Variants in MPDZ observed in about 807,000 individuals in gnomAD.
MPDZ encodes the protein multiple PDZ domain crumbs cell polarity complex component, also known as multiple PDZ domain protein.
MPDZ carries 234 observed loss-of-function variants against 239.1 expected under a neutral mutation model. That is an observed-to-expected ratio of 0.98 (90% CI 0.88 to 1.09). The LOEUF (loss-of-function observed/expected upper bound fraction) is 1.09, where lower values mean the gene tolerates loss of function less well. Among genes scored for constraint, MPDZ ranks in the 50% least tolerant of loss-of-function variants. MPDZ has a pLI of 0.00. For synonymous variants in MPDZ, 1,048 were observed against 881.3 expected, an observed-to-expected ratio of 1.19 and a Z score of -3.35; for missense variants, 3,175 against 2,510.0, an observed-to-expected ratio of 1.26 and a Z score of -5.66.
intron 3 of MPDZ, among the ~76,000 whole-genome samples, chr9:13,232,645 C>T (rs998991386): frequency 1.3e-4 from 20 of 151,000 alleles, no homozygotes; most frequent in Non-Finnish European, 2.7e-4. Context: ...AAAGCAATAC[C>T]CACAAAGAAA....
At chr9:13,147,883 C>T (rs775362708) in intron 25 of MPDZ, among the ~76,000 whole-genome samples, 5 of 152,026 alleles carry the variant, frequency 3.3e-5, no homozygotes, top group Non-Finnish European at 5.9e-5. Context: ...CAGTTCAAGA[C>T]ATAATCAATT....
chr9:13,175,799 T>G lies in MPDZ; in HGVS notation c.3008A>C (p.Glu1003Ala). 6.3e-7 allele frequency: 1 copy of G among 1,578,568 alleles called. No homozygotes were observed. The highest frequency in any genetic ancestry group is 8.6e-7 in the Non-Finnish European group (1 of 1,160,908). The change falls in exon 21 of 47, where the codon GAA becomes GCA. Residue 1003 changes from glutamate to alanine, a missense_variant. Transcript: ENST00000319217. ...ECVMLQNVSK[E>A]SFERTINIAK... Reference sequence around the variant, plus strand: ...TATATTAATAGTCCTTTCAAAAGATTCTTTAGATACATTTTGAAGCATGAC... The same window carrying G: ...TATATTAATAGTCCTTTCAAAAGATGCTTTAGATACATTTTGAAGCATGAC...
intron 23 of MPDZ, among the ~76,000 whole-genome samples, chr9:13,159,534 C>A (rs999977815): frequency 1.3e-5 from 2 of 152,212 alleles, no homozygotes; most frequent in East Asian, 1.9e-4. Flanking sequence ...CCTGGAAATA[C>A]AACAGGACAG....
intron 8 of MPDZ, 129 bp downstream of exon 8, chr9:13,219,430 T>C (rs889551818): frequency 1.1e-5 from 9 of 794,248 alleles, no homozygotes; most frequent in Non-Finnish European, 1.8e-5. Flanking sequence ...CATCCCTACA[T>C]TTGAATTTCA....
intron 2 of MPDZ, among the ~76,000 whole-genome samples, chr9:13,249,104 TCACACACACACACA>T (rs199752806): frequency 1.4e-5 from 2 of 145,900 alleles, no homozygotes; most frequent in Non-Finnish European, 3.0e-5. Flanking sequence ...GATCATGGGT[TCACACACACACACA>T]CACACACACA....
intron 46 of MPDZ, among the ~76,000 whole-genome samples, chr9:13,107,767 A>G (rs1296219464): frequency 2.0e-5 from 3 of 152,222 alleles, no homozygotes; most frequent in Non-Finnish European, 2.9e-5. Flanking sequence ...GTGTTAGAAA[A>G]AGAACCCCAT....
intron 3 of MPDZ, among the ~76,000 whole-genome samples, chr9:13,238,258 T>C (rs774483550): frequency 6.6e-6 from 1 of 152,154 alleles, no homozygotes; most frequent in Non-Finnish European, 1.5e-5. Context: ...TCTTCTCTTT[T>C]TGCCAGCCAT....
chr9:13,247,168 T>A (rs963377150), intron 3 of MPDZ, among the ~76,000 whole-genome samples: 1 of 152,224 alleles, frequency 6.6e-6, no homozygotes, highest in Admixed American at 6.5e-5. Context: ...CTGATGACAA[T>A]GTAATTATTC....
intron 24 of MPDZ, among the ~76,000 whole-genome samples, chr9:13,156,938 T>A (rs1301133517): frequency 6.6e-6 from 1 of 152,202 alleles, no homozygotes; most frequent in South Asian, 2.1e-4. Context: ...GAGCTTGGGA[T>A]TTTTTAAGTG....
intron 13 of MPDZ, 48 bp from the exon 14 acceptor site, chr9:13,193,361 T>A (rs1053690015): frequency 9.1e-6 from 14 of 1,544,084 alleles, no homozygotes; most frequent in Non-Finnish European, 1.2e-5. Flanking sequence ...ATTCTTTTTA[T>A]TTTTACTCAT....
chr9:13,253,244 C>T (rs1968580515), intron 1 of MPDZ, among the ~76,000 whole-genome samples: 1 of 150,180 alleles, frequency 6.7e-6, no homozygotes, highest in African/African-American at 2.4e-5. Context: ...AAAAAGCCCC[C>T]AGATGAGAGA....
intron 3 of MPDZ, among the ~76,000 whole-genome samples, chr9:13,246,329 C>A (rs1966580833): frequency 6.6e-6 from 1 of 152,112 alleles, no homozygotes; most frequent in African/African-American, 2.4e-5. Context: ...ATAATCCCAG[C>A]TAGTCAGGAG....
At chr9:13,147,101 G>C (rs138895747) in intron 26 of MPDZ, among the ~76,000 whole-genome samples, 2,045 of 152,048 alleles carry the variant, frequency 0.013, 25 homozygotes, top group Admixed American at 0.02. Context: ...ATACATGAAC[G>C]ATCATTCACA....
At chr9:13,178,012 A>T (rs1243342855) in intron 19 of MPDZ, among the ~76,000 whole-genome samples, 1 of 152,154 alleles carries the variant, frequency 6.6e-6, no homozygotes, top group East Asian at 1.9e-4. Context: ...ACGGGGTCTC[A>T]TCGTGATGGT....
At chr9:13,253,173 A>G (rs1387177354) in intron 1 of MPDZ, among the ~76,000 whole-genome samples, 1 of 150,554 alleles carries the variant, frequency 6.6e-6, no homozygotes, top group East Asian at 2.0e-4. Context: ...CCTACAAGTC[A>G]GTTATGTTAA....
intron 10 of MPDZ, among the ~76,000 whole-genome samples, chr9:13,210,109 G>GT (rs1564035910): frequency 6.6e-6 from 1 of 150,984 alleles, no homozygotes. Flanking sequence ...ATGTATCCTG[G>GT]TAAAATTCTT....
At chr9:13,263,394 C>CAAA (rs1218234444) in intron 1 of MPDZ, among the ~76,000 whole-genome samples, 1 of 79,436 alleles carries the variant, frequency 1.3e-5, no homozygotes, top group Non-Finnish European at 2.8e-5. Context: ...CCTTGTTTGG[C>CAAA]AAAAAAAAAA....
rs776991003 is a variant in MPDZ at position 13,149,130 on chromosome 9, T to C, written c.3630+1381A>G. ...AGTTCGTTAAAAGGGGTCTAAGGTA[T>C]CATCTAATGAAAGAATGCAGGAGAG... On this transcript the variant is annotated intron_variant, in intron 25 of 46. Coordinates refer to ENST00000319217, the MANE Select transcript of MPDZ (RefSeq NM_001378778.1). 2.0e-5 allele frequency among the ~76,000 whole-genome samples: 3 copies of C among 151,856 alleles called. No individual in the cohort carries two copies. The South Asian group carries it at 6.2e-4, about 31-fold the overall frequency.
At chr9:13,244,365 G>A (rs1014049637) in intron 3 of MPDZ, among the ~76,000 whole-genome samples, 4 of 152,114 alleles carry the variant, frequency 2.6e-5, no homozygotes, top group African/African-American at 9.7e-5. Context: ...GTGATGACTA[G>A]GTGACAGTGA....
Sources: allele counts gnomAD v4.1 joint callset (sites outside exome capture counted in the v4.1 genomes callset), GRCh38; gene constraint gnomAD v4.1.1; transcripts MANE v1.5; gene names NCBI Gene and HGNC (gene_info 2026-07-23, HGNC 2026-07-21).